Variants in GTF2IRD1 observed in about 807,000 individuals in gnomAD.
The protein encoded by GTF2IRD1 is GTF2I repeat domain containing 1, also known as general transcription factor II-I repeat domain-containing protein 1.
In GTF2IRD1, 26 loss-of-function variants were observed where a neutral mutation model predicts 113.2. The ratio of observed to expected loss-of-function variants is 0.23; its 90% CI spans 0.17 to 0.32. The LOEUF is 0.32. Among genes scored for constraint, GTF2IRD1 ranks in the 10% least tolerant of loss-of-function variants. The pLI is 1.00. For synonymous variants in GTF2IRD1, 484 were observed against 529.1 expected (o/e 0.91, Z 1.17); for missense variants, 864 against 1,280.8 (o/e 0.67, Z 4.97).
intron 22 of GTF2IRD1, among the ~76,000 whole-genome samples, chr7:74,580,527 A>C (rs587771140): frequency 7.2e-5 from 11 of 152,090 alleles, no homozygotes; most frequent in Admixed American, 2.0e-4. Context: ...AGTTGGTTTA[A>C]AATTGTGTAC....
In GTF2IRD1 at chr7:74,524,129, G is replaced by A; in HGVS notation, c.1065G>A (p.Val355=). 1 of 1,612,600 alleles carries A rather than the reference G, an allele frequency of 6.2e-7. No homozygotes were observed. Among genetic ancestry groups the A allele is most frequent in the Non-Finnish European group, 8.5e-7 (1 of 1,179,152 alleles). ...TEDINTLREC[V]QILFNSRYAE... ...ACATCAACACGCTCCGGGAGTGTGTGCAGATCCTGTTTAACAGCAGATATG... is the reference window on the plus strand; with the variant it reads ...ACATCAACACGCTCCGGGAGTGTGTACAGATCCTGTTTAACAGCAGATATG... Residue 355 remains valine (V), a synonymous_variant, in exon 8 of 27, where the codon GTG becomes GTA. Coordinates refer to ENST00000424337, the MANE Select transcript of GTF2IRD1 (RefSeq NM_005685.4).
chr7:74,523,960 T>A (rs1471691623), intron 7 of GTF2IRD1, 111 bp from the exon 8 acceptor site: 1 of 724,148 alleles, frequency 1.4e-6, no homozygotes, highest in Non-Finnish European at 2.5e-6. Context: ...GACTGGGGGC[T>A]GGGGCCGGCC....
intron 14 of GTF2IRD1, 152 bp downstream of exon 14, chr7:74,540,120 G>A: frequency 3.5e-6 from 2 of 574,912 alleles, no homozygotes; most frequent in South Asian, 2.1e-5. Flanking sequence ...ATCCAAGGCT[G>A]GGTTCCTTTT....
At chr7:74,488,890 C>T (rs1383808254) in intron 1 of GTF2IRD1, among the ~76,000 whole-genome samples, 1 of 152,010 alleles carries the variant, frequency 6.6e-6, no homozygotes, top group East Asian at 1.9e-4. Flanking sequence ...TTCCTGTAAT[C>T]CCAGCACTTT....
Position 74,601,231 on chromosome 7 carries a change from CCT to C in GTF2IRD1, c.2766+54_2766+55del, listed in dbSNP as rs1802750891. The C allele has an allele frequency of 1.9e-6, 3 of 1,552,758 alleles. No individual in the cohort carries two copies. In the South Asian group the frequency reaches 3.6e-5, roughly 18 times the overall value. ...GGCACTCATCTCTGTGGCCCTCACC[CCT>C]CTGTCTGGCAGGGCCGTCTACTCTG... is the stretch of plus-strand genomic sequence containing the variant. On this transcript the variant is annotated intron_variant, in intron 26 of 26. Coordinates refer to ENST00000424337, the MANE Select transcript of GTF2IRD1 (RefSeq NM_005685.4).
intron 21 of GTF2IRD1, 23 bp from the exon 22 acceptor site, chr7:74,559,604 C>T (rs1362835145): frequency 6.3e-7 from 1 of 1,582,672 alleles, no homozygotes; most frequent in East Asian, 2.3e-5. Flanking sequence ...CCCATGACAC[C>T]CCTGCCTCTG....
intron 22 of GTF2IRD1, among the ~76,000 whole-genome samples, chr7:74,582,079 C>G (rs1243503465): frequency 6.6e-6 from 1 of 151,866 alleles, no homozygotes; most frequent in Non-Finnish European, 1.5e-5. Context: ...CATTCTCCCT[C>G]AGGGCTAACC....
chr7:74,558,844 C>T lies in GTF2IRD1; in HGVS notation c.2108-17C>T. On this transcript the variant is annotated splice_polypyrimidine_tract_variant and intron_variant, in intron 20 of 26. Transcript: ENST00000424337. ...CCTCTCACTCCTGACGGGCAGGACC[C>T]TGCCTCTCGCCCACAGGGGAAGCCT... The T allele has an allele frequency of 6.2e-7, 1 of 1,604,834 alleles. No individual in the cohort carries two copies. The highest frequency in any genetic ancestry group is 8.5e-7 in the Non-Finnish European group (1 of 1,174,050).
intron 22 of GTF2IRD1, chr7:74,571,146 C>T: frequency 1.0e-6 from 1 of 983,082 alleles, no homozygotes; most frequent in Non-Finnish European, 1.2e-6. Flanking sequence ...AGGGATGTGG[C>T]AGAGCTGCCA....
chr7:74,595,634 G>A (rs782769193), intron 25 of GTF2IRD1, among the ~76,000 whole-genome samples: 1 of 152,154 alleles, frequency 6.6e-6, no homozygotes, highest in Admixed American at 6.5e-5. Flanking sequence ...CCCTCTCCAC[G>A]CTGGGGCCTC....
At position 74,544,760 on chromosome 7, in the gene GTF2IRD1, G is replaced by C. The variant is rs1554352708; in HGVS notation, c.1624G>C (p.Gly542Arg). ...CATCCTCTGTTCTCTTTTAGACAAA[G>C]GTCTGAGTGAGGACGCGCGGCCCGA... Reference protein sequence around the residue: ...GYGMEMLTDKGLSEDARPEER... With the variant: ...GYGMEMLTDKRLSEDARPEER... The change falls in exon 15 of 27, where the codon GGT (glycine) becomes CGT (arginine). Residue 542 changes from glycine (G) to arginine (R), a missense_variant. Around this residue, in one of 7 missense-constraint regions of GTF2IRD1, gnomAD observed 218 missense variants for 352.6 expected, o/e 0.62. Coordinates refer to ENST00000424337, the MANE Select transcript of GTF2IRD1 (RefSeq NM_005685.4). The C allele has an allele frequency of 2.5e-6, 4 of 1,613,824 alleles. No individual in the cohort carries two copies. The highest frequency in any genetic ancestry group is 3.4e-6 in the Non-Finnish European group (4 of 1,179,946).
At chr7:74,554,302 G>C (rs1299650916) in intron 17 of GTF2IRD1, among the ~76,000 whole-genome samples, 1 of 152,198 alleles carries the variant, frequency 6.6e-6, no homozygotes, top group Non-Finnish European at 1.5e-5. Flanking sequence ...AACAGGACAA[G>C]TTGTGCTGAA....
chr7:74,468,822 C>T (rs1382799885), intron 1 of GTF2IRD1, among the ~76,000 whole-genome samples: 1 of 151,718 alleles, frequency 6.6e-6, no homozygotes, highest in Non-Finnish European at 1.5e-5. Context: ...CGGTGGCTCA[C>T]GCCTGTAATC....
rs546643399 is a variant in GTF2IRD1, at chr7:74,512,563, G to T, written c.124-267G>T. Among the ~76,000 whole-genome samples the T allele has an allele frequency of 2.0e-5, 3 of 152,302 alleles. No homozygotes were observed. The South Asian group carries it at 6.2e-4, about 32-fold the overall frequency. ...CATTGTCCCTGGGGCTGGGGCTAAG[G>T]GGGGCCTACCCCAAGGAGGAGGACC... On this transcript the variant is annotated intron_variant, in intron 2 of 26. Coordinates refer to ENST00000424337, the MANE Select transcript of GTF2IRD1 (RefSeq NM_005685.4). The surrounding 1 kb of genome is among the most constrained non-coding windows in gnomAD (Gnocchi z 4.4).
chr7:74,516,769 G>A (rs1344711397), intron 4 of GTF2IRD1, among the ~76,000 whole-genome samples: 1 of 151,960 alleles, frequency 6.6e-6, no homozygotes, highest in Non-Finnish European at 1.5e-5. Flanking sequence ...AGGGCCCCGC[G>A]CCCCTGCCCG....
intron 22 of GTF2IRD1, among the ~76,000 whole-genome samples, chr7:74,561,036 G>A (rs1799927870): frequency 6.6e-6 from 1 of 152,118 alleles, no homozygotes; most frequent in South Asian, 2.1e-4. Flanking sequence ...CACTTGGCAA[G>A]CACTAAGGGC....
chr7:74,591,120 C>T (rs1802033715), intron 24 of GTF2IRD1, 103 bp downstream of exon 24: 1 of 652,346 alleles, frequency 1.5e-6, no homozygotes, highest in East Asian at 2.7e-5. Flanking sequence ...CCCAGGTGTA[C>T]TGTAATAGTT....
intron 12 of GTF2IRD1, 114 bp downstream of exon 12, chr7:74,538,287 G>A (rs75539326): frequency 5.7e-6 from 6 of 1,052,214 alleles, no homozygotes; most frequent in Admixed American, 1.8e-5. Context: ...GAGTGCTAAC[G>A]AGCCTCCTCT....
In GTF2IRD1 at chr7:74,558,347, CTTTTTTTTTTTT is replaced by C. The variant is rs1193682168; in HGVS notation, c.2108-495_2108-484del. Among the ~76,000 whole-genome samples the C allele has an allele frequency of 6.1e-4, 37 of 60,456 alleles. No individual in the cohort carries two copies. In the East Asian group the frequency reaches 7.3e-3, roughly 12 times the overall value. The allele number at this position is 60,456 out of a possible 152,430, so 39.7% of individuals were successfully genotyped here. On this transcript the variant is annotated intron_variant, in intron 20 of 26. Coordinates refer to ENST00000424337, the MANE Select transcript of GTF2IRD1 (RefSeq NM_005685.4). Reference sequence around the variant, plus strand: ...ATTGGTGTGGCTTTTTCTTTCGTTTCTTTTTTTTTTTTTTTTTTTTTTTTTTTTTTGAGACAG... The same window carrying C: ...ATTGGTGTGGCTTTTTCTTTCGTTTCTTTTTTTTTTTTTTTTTTGAGACAG...
Sources: allele counts gnomAD v4.1 joint callset (sites outside exome capture counted in the v4.1 genomes callset), GRCh38; gene constraint gnomAD v4.1.1; regional missense constraint gnomAD v4.1.1; non-coding constraint Gnocchi (gnomAD v3.1); transcripts MANE v1.5; gene names NCBI Gene and HGNC (gene_info 2026-07-23, HGNC 2026-07-21).